The following PHC3 variants were observed in gnomAD, a reference collection of about 807,000 sequenced individuals.
PHC3 encodes polyhomeotic-like protein 3.
Under a neutral mutation model 107.4 loss-of-function variants are expected in PHC3, and 13 were observed. That is an observed-to-expected ratio of 0.12 (90% confidence interval 0.08 to 0.19). PHC3 has a LOEUF of 0.19. Ranked by LOEUF, PHC3 falls within the 10% of genes least tolerant of loss-of-function variation. PHC3 has a pLI of 1.00. For synonymous variants in PHC3, 456 were observed against 427.4 expected (o/e 1.07, Z -0.83); for missense variants, 992 against 1,210.9 (o/e 0.82, Z 2.68).
chr3:170,097,572 G>A lies in PHC3; in HGVS notation c.2834-188C>T, dbSNP rs983010204. On this transcript the variant is annotated intron_variant, in intron 14 of 14. Coordinates refer to ENST00000495893, the MANE Select transcript of PHC3 (RefSeq NM_024947.4). The surrounding 1 kb of genome is among the most constrained non-coding windows in gnomAD (Gnocchi z 4.1). ...TAGAGTATTTGCATTCTGAAAATAA[G>A]AATTCAAAATCCAGGTAAAGCAATT... 1.3e-5 allele frequency among the ~76,000 whole-genome samples: 2 copies of A among 152,194 alleles called. No individual in the cohort carries two copies. The highest frequency in any genetic ancestry group is 6.5e-5 in the Admixed American group (1 of 15,276).
Position 170,172,632 on chromosome 3 carries a change from G to C in PHC3, c.261C>G (p.His87Gln). The C allele has an allele frequency of 6.2e-7, 1 of 1,613,734 alleles. No homozygotes were observed. The highest frequency in any genetic ancestry group is 8.5e-7 in the Non-Finnish European group (1 of 1,179,828). The change falls in exon 3 of 15, where the codon CAC (histidine) becomes CAG (glutamine). Residue 87 changes from histidine (H) to glutamine (Q), a missense_variant. His to Gln is a conservative substitution (Grantham distance 24). This residue lies in a region of PHC3 where 161 missense variants were observed against 183.7 expected (regional missense o/e 0.88). Transcript: ENST00000495893. ...LQQMYAAQQQ[H>Q]LMLHTAALQQ... ...GAAGAGCTGCAGTATGCAGCATCAAGTGCTGTTGTTGGGCTGCATACATTT... is the reference window on the plus strand; with the variant it reads ...GAAGAGCTGCAGTATGCAGCATCAACTGCTGTTGTTGGGCTGCATACATTT...
chr3:170,146,305 G>A (rs1724928040), intron 5 of PHC3, among the ~76,000 whole-genome samples: 1 of 151,450 alleles, frequency 6.6e-6, no homozygotes. Flanking sequence ...AACCCAGGAG[G>A]TGGAGGTTGC....
chr3:170,114,289 G>GT (rs1425917548), intron 10 of PHC3, among the ~76,000 whole-genome samples: 1 of 152,144 alleles, frequency 6.6e-6, no homozygotes, highest in Non-Finnish European at 1.5e-5. Context: ...GATTACAGGC[G>GT]TGAGCCACTG....
At chr3:170,106,428 CA>C (rs1243478267) in intron 12 of PHC3, among the ~76,000 whole-genome samples, 1 of 151,938 alleles carries the variant, frequency 6.6e-6, no homozygotes, top group African/African-American at 2.4e-5. Flanking sequence ...CAAAGTATTT[CA>C]ATAATGATAA....
In PHC3 at chr3:170,099,362, C is replaced by T. The variant is rs371088158; in HGVS notation, c.2834-1978G>A. Among the ~76,000 whole-genome samples, 49 of 152,174 alleles carry T rather than the reference C, an allele frequency of 3.2e-4. 4 individuals are homozygous for T. In the South Asian group the frequency reaches 0.01, roughly 32 times the overall value. On this transcript the variant is annotated intron_variant, in intron 14 of 14. Transcript: ENST00000495893. ...GCTAACCACAAAAAAAGTATAGTTA[C>T]ATCAGTATAGAAATTTAAAAAAAAG...
intron 4 of PHC3, among the ~76,000 whole-genome samples, chr3:170,162,802 C>G (rs918507690): frequency 1.3e-5 from 2 of 152,070 alleles, no homozygotes; most frequent in Non-Finnish European, 2.9e-5. Context: ...TTACAATTAC[C>G]TCTCTGATGT....
Position 170,122,637 on chromosome 3 carries a change from T to C in PHC3, c.1896A>G (p.Ile632Met), listed in dbSNP as rs947812826. The C allele has an allele frequency of 6.2e-7, 1 of 1,613,998 alleles. No homozygotes were observed. The highest frequency in any genetic ancestry group is 8.5e-7 in the Non-Finnish European group (1 of 1,179,880). ...TCAAATCTTCTCCTCTCCCCACTGT[T>C]ATAGCTGCTGGAGACAAAGTGGGTG... is the stretch of plus-strand genomic sequence containing the variant. ...PPPPTLSPAA[I>M]TVGRGEDLTS... Residue 632 changes from isoleucine to methionine, a missense_variant, in exon 9 of 15, where the codon ATA becomes ATG. Around this residue, in one of 6 missense-constraint regions of PHC3, gnomAD observed 543 missense variants for 590.8 expected, o/e 0.92. Coordinates refer to ENST00000495893, the MANE Select transcript of PHC3 (RefSeq NM_024947.4).
At chr3:170,170,662 T>C (rs994499155) in intron 4 of PHC3, 2 of 152,214 alleles carry the variant, frequency 1.3e-5, no homozygotes, top group Admixed American at 6.6e-5. Flanking sequence ...AAAATATGTA[T>C]ACATGTAGTG....
At chr3:170,135,548 T>G (rs1722941257) in intron 7 of PHC3, among the ~76,000 whole-genome samples, 1 of 151,958 alleles carries the variant, frequency 6.6e-6, no homozygotes, top group African/African-American at 2.4e-5. Flanking sequence ...TTATAGTGAT[T>G]TAGAAAACTA....
intron 14 of PHC3, among the ~76,000 whole-genome samples, chr3:170,100,989 C>T (rs1277421991): frequency 6.6e-6 from 1 of 152,110 alleles, no homozygotes; most frequent in African/African-American, 2.4e-5. Context: ...AAGCCCAGCC[C>T]CAGGTATCCA....
intron 4 of PHC3, among the ~76,000 whole-genome samples, chr3:170,169,061 T>C (rs796575303): frequency 1.5e-4 from 23 of 152,222 alleles, no homozygotes; most frequent in African/African-American, 5.3e-4. Context: ...GAATGTCATG[T>C]TGGTGTGCAA....
chr3:170,166,674 GCTT>G (rs895830497), intron 4 of PHC3, among the ~76,000 whole-genome samples: 9 of 139,662 alleles, frequency 6.4e-5, no homozygotes, highest in Admixed American at 6.4e-4. Context: ...GATTATTTTG[GCTT>G]TTTTTGAAAC....
rs559038160 is a variant in PHC3 at position 170,133,457 on chromosome 3, G to A, written c.919+2962C>T. 4.6e-5 allele frequency among the ~76,000 whole-genome samples: 7 copies of A among 152,250 alleles called. No individual in the cohort carries two copies. The South Asian group carries it at 1.4e-3, about 32-fold the overall frequency. On this transcript the variant is annotated intron_variant, in intron 7 of 14. Coordinates refer to ENST00000495893, the MANE Select transcript of PHC3 (RefSeq NM_024947.4). Reference sequence around the variant, plus strand: ...CTCCCAAAGTGCTGGGATTACAGGCGTGAGCCACCGTGCCAGGCCAAGATT... The same window carrying A: ...CTCCCAAAGTGCTGGGATTACAGGCATGAGCCACCGTGCCAGGCCAAGATT...
chr3:170,132,300 T>G (rs1224549832), intron 7 of PHC3, among the ~76,000 whole-genome samples: 2 of 152,130 alleles, frequency 1.3e-5, no homozygotes, highest in African/African-American at 4.8e-5. Flanking sequence ...ATGAAGAAAC[T>G]GTGAGTAGTT....
chr3:170,149,162 T>C lies in PHC3; in HGVS notation c.497A>G (p.Gln166Arg). 1 of 1,613,252 alleles carries C rather than the reference T, an allele frequency of 6.2e-7. No individual in the cohort carries two copies. Among genetic ancestry groups the C allele is most frequent in the East Asian group, 2.2e-5 (1 of 44,886 alleles). ...ASSSTSGSIT[Q>R]QTMLLGSTSP... is the part of the protein sequence containing the mutation. ...AGTACTCCCTAGTAACATAGTCTGTTGGGTAATACTGCCGCTGGTAGAACT... is the reference window on the plus strand; with the variant it reads ...AGTACTCCCTAGTAACATAGTCTGTCGGGTAATACTGCCGCTGGTAGAACT... Residue 166 changes from glutamine to arginine, a missense_variant, in exon 5 of 15, where the codon CAA becomes CGA. Gln to Arg is a conservative substitution (Grantham distance 43). This residue lies in a region of PHC3 where 35 missense variants were observed against 73.6 expected (regional missense o/e 0.48). Transcript: ENST00000495893.
At chr3:170,113,299 C>G in intron 11 of PHC3, 61 bp downstream of exon 11, 2 of 1,456,088 alleles carry the variant, frequency 1.4e-6, no homozygotes, top group Non-Finnish European at 1.8e-6. Flanking sequence ...AATCCACATC[C>G]TGTTTTAAGC....
intron 4 of PHC3, among the ~76,000 whole-genome samples, chr3:170,150,171 AAC>A (rs1725669354): frequency 6.6e-6 from 1 of 152,186 alleles, no homozygotes; most frequent in South Asian, 2.1e-4. Context: ...CATCCTAATC[AAC>A]AGTTTATTCT....
chr3:170,130,890 C>G (rs1015419756), intron 7 of PHC3, among the ~76,000 whole-genome samples: 1 of 151,868 alleles, frequency 6.6e-6, no homozygotes, highest in Admixed American at 6.6e-5. Context: ...ACACATTTAA[C>G]ACAGATTTAA....
intron 4 of PHC3, among the ~76,000 whole-genome samples, chr3:170,159,251 C>CA (rs1278767405): frequency 0.038 from 2,572 of 68,150 alleles, 61 homozygotes; most frequent in Middle Eastern, 0.063. Context: ...GACTCGGTCT[C>CA]AAAAAAAAAA....
Sources: gnomAD v4.1 joint callset for allele counts (sites outside exome capture counted in the v4.1 genomes callset) on GRCh38, gnomAD v4.1.1 for gene constraint, gnomAD v4.1.1 regional missense constraint, Gnocchi (gnomAD v3.1) non-coding constraint, MANE v1.5 for transcripts, NCBI Gene and HGNC (gene_info 2026-07-23, HGNC 2026-07-21) for gene names.